The following NR1I2 variants were observed in gnomAD, a reference collection of about 807,000 sequenced individuals.
NR1I2 encodes the protein orphan nuclear receptor PAR1.
Under a neutral mutation model 43.3 loss-of-function variants are expected in NR1I2, and 42 were observed. That is an observed-to-expected ratio of 0.97 (90% confidence interval 0.76 to 1.26). The LOEUF (loss-of-function observed/expected upper bound fraction) is 1.26, where lower values mean the gene tolerates loss of function less well. Among genes scored for constraint, NR1I2 ranks in the 50% most tolerant of loss-of-function variants. NR1I2 has a pLI of 0.00. For synonymous variants in NR1I2, 229 were observed against 215.0 expected (o/e 1.06, Z -0.57); for missense variants, 559 against 566.7 (o/e 0.99, Z 0.14).
intron 5 of NR1I2, among the ~76,000 whole-genome samples, chr3:119,813,706 C>T (rs1047971183): frequency 2.4e-4 from 37 of 151,988 alleles, no homozygotes; most frequent in Admixed American, 7.2e-4. Flanking sequence ...AGGAGTCATG[C>T]GTGACTTATT....
chr3:119,807,414 T>G lies in NR1I2; in HGVS notation c.164T>G (p.Val55Gly). Residue 55 changes from valine (V) to glycine (G), a missense_variant, in exon 2 of 9, where the codon GTC becomes GGC. By Grantham distance (109) the Val-to-Gly change is moderately radical. Around this residue, in one of 3 missense-constraint regions of NR1I2, gnomAD observed 232 missense variants for 236.6 expected, o/e 0.98. Transcript: ENST00000393716. ...AAGGCCACTGGCTATCACTTCAATG[T>G]CATGACATGTGAAGGATGCAAGGGC... 6.2e-7 allele frequency: 1 copy of G among 1,614,140 alleles called. No homozygotes were observed. Among genetic ancestry groups the G allele is most frequent in the Non-Finnish European group, 8.5e-7 (1 of 1,180,040 alleles).
chr3:119,787,655 ATATGTGTGTGTG>A (rs1257226478), intron 1 of NR1I2, among the ~76,000 whole-genome samples: 13 of 79,482 alleles, frequency 1.6e-4, no homozygotes, highest in Non-Finnish European at 2.7e-4. Flanking sequence ...TCTGCTATTA[ATATGTGTGTGTG>A]TGTGTGTGTG....
At chr3:119,784,242 A>AT (rs1478936467) in intron 1 of NR1I2, among the ~76,000 whole-genome samples, 2 of 152,052 alleles carry the variant, frequency 1.3e-5, no homozygotes, top group Non-Finnish European at 2.9e-5. Context: ...GTATTTTATT[A>AT]TTTTTTCCAT....
chr3:119,810,570 T>G, intron 3 of NR1I2: 1 of 277,068 alleles, frequency 3.6e-6, no homozygotes, highest in Non-Finnish European at 6.9e-6. Flanking sequence ...AGGAGCCACA[T>G]GGGTGATAGG....
intron 1 of NR1I2, among the ~76,000 whole-genome samples, chr3:119,801,155 A>G (rs922160556): frequency 1.3e-5 from 2 of 152,180 alleles, no homozygotes; most frequent in Non-Finnish European, 1.5e-5. Context: ...TGATTTATTC[A>G]CTCATTTATT....
At position 119,812,962 on chromosome 3, in the gene NR1I2, T is replaced by C; in HGVS notation, c.794+2T>C. 6.2e-7 allele frequency: 1 copy of C among 1,612,918 alleles called. No homozygotes were observed. ...TGCCAAAGTCATCTCCTACTTCAGGTAGGACATGGAGACTGGGTGGTTGGG... is the reference window on the plus strand; with the variant it reads ...TGCCAAAGTCATCTCCTACTTCAGGCAGGACATGGAGACTGGGTGGTTGGG... On this transcript the variant is annotated splice_donor_variant, in intron 5 of 8. Coordinates refer to ENST00000393716, the MANE Select transcript of NR1I2 (RefSeq NM_003889.4). LOFTEE classifies it high-confidence loss of function.
chr3:119,802,165 G>A (rs2055091237), intron 1 of NR1I2, among the ~76,000 whole-genome samples: 1 of 152,120 alleles, frequency 6.6e-6, no homozygotes, highest in African/African-American at 2.4e-5. Flanking sequence ...GCTGTAATGG[G>A]TTCTCTAGCG....
chr3:119,786,435 A>G (rs1041659680), intron 1 of NR1I2, among the ~76,000 whole-genome samples: 1 of 152,248 alleles, frequency 6.6e-6, no homozygotes, highest in Non-Finnish European at 1.5e-5. Context: ...TGAATATCCA[A>G]CTGGAAATTG....
chr3:119,817,417 G>C lies in NR1I2; in HGVS notation c.*205G>C. 6.9e-7 allele frequency: 1 copy of C among 1,441,896 alleles called. No homozygotes were observed. Among genetic ancestry groups the C allele is most frequent in the South Asian group, 1.4e-5 (1 of 72,322 alleles). The allele number at this position is 1,441,896 out of a possible 1,614,324, so 89.3% of individuals were successfully genotyped here. A position where few individuals can be genotyped will look rare whatever the true frequency, so the allele number is the denominator to read the frequency against. On this transcript the variant is annotated 3_prime_UTR_variant, in exon 9 of 9. Coordinates refer to ENST00000393716, the MANE Select transcript of NR1I2 (RefSeq NM_003889.4). ...CCCCACCCCCAGTTCAGTCTGTAGG[G>C]AGTGAAGCCACAGACTCTTACGTGG...
At chr3:119,797,058 A>G (rs1369038030) in intron 1 of NR1I2, among the ~76,000 whole-genome samples, 1 of 152,216 alleles carries the variant, frequency 6.6e-6, no homozygotes, top group African/African-American at 2.4e-5. Flanking sequence ...GCTGCCGGCT[A>G]GCTGGGTCCT....
chr3:119,796,788 G>A (rs2055006092), intron 1 of NR1I2, among the ~76,000 whole-genome samples: 1 of 152,170 alleles, frequency 6.6e-6, no homozygotes, highest in Non-Finnish European at 1.5e-5. Context: ...TTCTTGCCCT[G>A]CCAGATCTGT....
At chr3:119,792,257 C>A in intron 1 of NR1I2, 1 of 1,543,632 alleles carries the variant, frequency 6.5e-7, no homozygotes. Flanking sequence ...GAGAACTGGT[C>A]TCCAGGCAGG....
rs772496539 is a variant in NR1I2, at chr3:119,815,431, T to C, written c.1046T>C (p.Phe349Ser). The change falls in exon 7 of 9, where the codon TTC (phenylalanine) becomes TCC (serine). Residue 349 changes from phenylalanine (F) to serine (S), a missense_variant. By Grantham distance (155) the Phe-to-Ser change is radical (BLOSUM62 -2). This residue lies in a region of NR1I2 where 323 missense variants were observed against 312.2 expected (regional missense o/e 1.03). Coordinates refer to ENST00000393716, the MANE Select transcript of NR1I2 (RefSeq NM_003889.4). ...GTGCTGATGCAGGCCATCTCCCTCT[T>C]CTCCCCAGGTGAGGATCTCCCCTAG... The C allele has an allele frequency of 1.2e-6, 2 of 1,611,244 alleles. No homozygotes were observed. The highest frequency in any genetic ancestry group is 1.7e-6 in the Non-Finnish European group (2 of 1,178,714).
At chr3:119,783,613 G>C (rs1442880025) in intron 1 of NR1I2, among the ~76,000 whole-genome samples, 1 of 152,130 alleles carries the variant, frequency 6.6e-6, no homozygotes, top group Non-Finnish European at 1.5e-5. Flanking sequence ...GACTAGACTA[G>C]GTTTTTTAGG....
intron 1 of NR1I2, among the ~76,000 whole-genome samples, chr3:119,789,304 G>A (rs990196828): frequency 2.0e-5 from 3 of 150,580 alleles, no homozygotes; most frequent in African/African-American, 7.3e-5. Flanking sequence ...TGCTGATAAA[G>A]ACATACCTGA....
chr3:119,814,873 C>T lies in NR1I2; in HGVS notation c.795-106C>T, dbSNP rs2055295911. On this transcript the variant is annotated intron_variant, in intron 5 of 8. Coordinates refer to ENST00000393716, the MANE Select transcript of NR1I2 (RefSeq NM_003889.4). Reference sequence around the variant, plus strand: ...CATCCTCAGGGAAAGGAGCCATCCTCCCTCTTCCTCTCGCCCCCAACTTCT... The same window carrying T: ...CATCCTCAGGGAAAGGAGCCATCCTTCCTCTTCCTCTCGCCCCCAACTTCT... 3 of 1,406,192 alleles carry T rather than the reference C, an allele frequency of 2.1e-6. No individual in the cohort carries two copies. In the South Asian group the frequency reaches 3.6e-5, roughly 17 times the overall value. The allele number at this position is 1,406,192 out of a possible 1,614,324, so 87.1% of individuals were successfully genotyped here.
intron 1 of NR1I2, among the ~76,000 whole-genome samples, chr3:119,793,606 G>T (rs937723825): frequency 1.3e-5 from 2 of 152,002 alleles, no homozygotes; most frequent in Non-Finnish European, 2.9e-5. Context: ...TCCACATTAC[G>T]TCTCTTTCTC....
At chr3:119,803,839 C>T (rs532334729) in intron 1 of NR1I2, among the ~76,000 whole-genome samples, 50 of 152,056 alleles carry the variant, frequency 3.3e-4, no homozygotes, top group African/African-American at 1.2e-3. Flanking sequence ...CTCCCTGCAA[C>T]CTCTGCCTCC....
At chr3:119,808,833 C>G (rs2055195663) in intron 2 of NR1I2, among the ~76,000 whole-genome samples, 1 of 152,196 alleles carries the variant, frequency 6.6e-6, no homozygotes, top group Admixed American at 6.5e-5. Flanking sequence ...TGCAAAATAC[C>G]TAGCCTAGCA....
Sources: allele counts gnomAD v4.1 joint callset (sites outside exome capture counted in the v4.1 genomes callset), GRCh38; gene constraint gnomAD v4.1.1; regional missense constraint gnomAD v4.1.1; transcripts MANE v1.5; gene names NCBI Gene and HGNC (gene_info 2026-07-23, HGNC 2026-07-21).